The following SEPTIN2 variants were observed in gnomAD, a reference collection of about 807,000 sequenced individuals.
SEPTIN2 encodes septin 2, also known as septin-2.
In SEPTIN2, 34 loss-of-function variants were observed where a neutral mutation model predicts 46.5. That is an observed-to-expected ratio of 0.73 (90% confidence interval 0.56 to 0.97). The LOEUF (loss-of-function observed/expected upper bound fraction) is 0.97. Among genes scored for constraint, SEPTIN2 ranks in the 50% least tolerant of loss-of-function variants. The pLI, the probability that SEPTIN2 is intolerant of heterozygous loss-of-function variation, is 0.00. For synonymous variants in SEPTIN2, 175 were observed against 153.4 expected (o/e 1.14, Z -1.04); for missense variants, 347 against 448.4 (o/e 0.77, Z 2.04).
chr2:241,337,165 T>C (rs1262356146), intron 5 of SEPTIN2: 1 of 514,750 alleles, frequency 1.9e-6, no homozygotes, highest in Non-Finnish European at 3.4e-6. Context: ...ACCTATTCCA[T>C]TCAGGCTTTT....
chr2:241,338,689 AAT>A (rs1422487980), intron 7 of SEPTIN2, among the ~76,000 whole-genome samples: 34 of 119,392 alleles, frequency 2.8e-4, no homozygotes, highest in African/African-American at 9.9e-4. Context: ...TTACATATGT[AAT>A]ATATATTATA....
At chr2:241,316,215 C>G (rs1375909864) in intron 1 of SEPTIN2, 14 of 335,048 alleles carry the variant, frequency 4.2e-5, no homozygotes, top group East Asian at 1.4e-4. Flanking sequence ...CGGGCAGGCC[C>G]GGGCGCGGGA....
At chr2:241,317,527 T>A in intron 1 of SEPTIN2, 2 of 983,914 alleles carry the variant, frequency 2.0e-6, no homozygotes, top group Non-Finnish European at 2.4e-6. Context: ...AAAGAAGAAG[T>A]TGTGGGTATT....
chr2:241,323,049 T>C (rs571170273), intron 1 of SEPTIN2, among the ~76,000 whole-genome samples: 35 of 152,328 alleles, frequency 2.3e-4, no homozygotes, highest in Middle Eastern at 3.4e-3. Context: ...TTTAATTTTT[T>C]GTAGAGATAG....
At chr2:241,335,339 A>G in intron 4 of SEPTIN2, 127 bp downstream of exon 4, 2 of 1,553,326 alleles carry the variant, frequency 1.3e-6, no homozygotes, top group Non-Finnish European at 8.7e-7. Context: ...CACAAGGAAA[A>G]CACTTTTATG....
At chr2:241,347,485 CT>C (rs2060363588) in intron 10 of SEPTIN2, among the ~76,000 whole-genome samples, 1 of 152,146 alleles carries the variant, frequency 6.6e-6, no homozygotes, top group African/African-American at 2.4e-5. Context: ...GCTTGGGGAG[CT>C]TACCCTTTGC....
chr2:241,316,463 G>T (rs1315426074), intron 1 of SEPTIN2: 2 of 1,486,294 alleles, frequency 1.3e-6, no homozygotes, highest in East Asian at 2.6e-5. Flanking sequence ...AAGCCCATCG[G>T]CTGGATGCCG....
chr2:241,340,179 T>C (rs1351577267), intron 7 of SEPTIN2, among the ~76,000 whole-genome samples: 1 of 152,248 alleles, frequency 6.6e-6, no homozygotes, highest in East Asian at 1.9e-4. Flanking sequence ...GTTGCCAGTT[T>C]TTGTAATGTG....
At chr2:241,347,747 G>T (rs566589662) in intron 10 of SEPTIN2, among the ~76,000 whole-genome samples, 1 of 152,114 alleles carries the variant, frequency 6.6e-6, no homozygotes, top group South Asian at 2.1e-4. Context: ...TAGGCTGGGC[G>T]TGGTGGCTCA....
intron 1 of SEPTIN2, among the ~76,000 whole-genome samples, chr2:241,319,161 G>C (rs1443273506): frequency 6.6e-6 from 1 of 152,196 alleles, no homozygotes; most frequent in Non-Finnish European, 1.5e-5. Context: ...TGAAAAAAAT[G>C]AGAGAATAGA....
chr2:241,342,827 C>T (rs1270758530), intron 7 of SEPTIN2, among the ~76,000 whole-genome samples, 165 bp from the exon 8 acceptor site: 1 of 152,162 alleles, frequency 6.6e-6, no homozygotes, highest in Non-Finnish European at 1.5e-5. Flanking sequence ...TGAGCCACCA[C>T]ACCCGGCCGC....
chr2:241,318,621 G>T (rs2076713703), intron 1 of SEPTIN2, among the ~76,000 whole-genome samples: 1 of 151,728 alleles, frequency 6.6e-6, no homozygotes, highest in Non-Finnish European at 1.5e-5. Context: ...GCTGGTACTT[G>T]ACTTACTTGA....
chr2:241,321,748 T>G (rs549765100), intron 1 of SEPTIN2, among the ~76,000 whole-genome samples: 1 of 152,338 alleles, frequency 6.6e-6, no homozygotes, highest in Admixed American at 6.5e-5. Flanking sequence ...TTTGCTGGTT[T>G]GATGAAGTTG....
At chr2:241,338,143 A>G (rs1339574852) in intron 7 of SEPTIN2, among the ~76,000 whole-genome samples, 1 of 152,130 alleles carries the variant, frequency 6.6e-6, no homozygotes, top group Admixed American at 6.5e-5. Flanking sequence ...TTTACTGCAA[A>G]TGACCCATAC....
intron 7 of SEPTIN2, among the ~76,000 whole-genome samples, chr2:241,341,382 T>TTTTA: frequency 1.4e-5 from 2 of 147,190 alleles, no homozygotes; most frequent in Middle Eastern, 6.8e-3. Context: ...CTCTGCTCAC[T>TTTTA]TTTAAATAGC....
chr2:241,329,916 G>A (rs1326339114), intron 3 of SEPTIN2, among the ~76,000 whole-genome samples: 3 of 152,224 alleles, frequency 2.0e-5, no homozygotes, highest in Non-Finnish European at 1.5e-5. Flanking sequence ...GCATGCCAGG[G>A]CAAATATTTA....
At chr2:241,347,807 G>C (rs1398449619) in intron 10 of SEPTIN2, among the ~76,000 whole-genome samples, 1 of 151,920 alleles carries the variant, frequency 6.6e-6, no homozygotes, top group African/African-American at 2.4e-5. Flanking sequence ...GATCACTTGA[G>C]GTTCAACACC....
intron 7 of SEPTIN2, 55 bp from the exon 8 acceptor site, chr2:241,342,937 C>A: frequency 1.1e-6 from 1 of 880,366 alleles, no homozygotes; most frequent in South Asian, 1.5e-5. Flanking sequence ...CTAGAATTGG[C>A]TACAATAACA....
At chr2:241,349,560 C>T (rs2060597239) in intron 11 of SEPTIN2, among the ~76,000 whole-genome samples, 1 of 152,050 alleles carries the variant, frequency 6.6e-6, no homozygotes, top group Non-Finnish European at 1.5e-5. Flanking sequence ...CGGTGGCTCA[C>T]GCTTGTAATC....
Sources: allele counts gnomAD v4.1 joint callset (sites outside exome capture counted in the v4.1 genomes callset), GRCh38; gene constraint gnomAD v4.1.1; transcripts MANE v1.5; gene names NCBI Gene and HGNC (gene_info 2026-07-23, HGNC 2026-07-21).